The following ELAC2 variants were observed in gnomAD, a reference collection of about 807,000 sequenced individuals.
ELAC2 encodes elaC ribonuclease Z 2, also known as zinc phosphodiesterase ELAC protein 2.
Under a neutral mutation model 105.2 loss-of-function variants are expected in ELAC2, and 92 were observed. The observed-to-expected ratio is 0.87, with a 90% CI of 0.74 to 1.04. ELAC2 has a LOEUF of 1.04. Among genes scored for constraint, ELAC2 ranks in the 50% least tolerant of loss-of-function variants. The probability of loss-of-function intolerance (pLI) is 0.00; values close to 1 mark genes in which losing one functional copy is unlikely to be tolerated. For missense variants in ELAC2, 1,099 were observed against 1,071.7 expected (o/e 1.03, Z -0.36); for synonymous variants, 468 against 409.1 (o/e 1.14, Z -1.74).
chr17:13,017,644 G>A lies in ELAC2; in HGVS notation c.245+59C>T, dbSNP rs961142351. 5 of 1,611,178 alleles carry A rather than the reference G, an allele frequency of 3.1e-6. No homozygotes were observed. In the African/African-American group the frequency reaches 4.0e-5, roughly 13 times the overall value. On this transcript the variant is annotated intron_variant, in intron 1 of 23. Coordinates refer to ENST00000338034, the MANE Select transcript of ELAC2 (RefSeq NM_018127.7). ...CCGAAGCCCTGGGAGGTGCCCCGAT[G>A]CTCAGAGGCTGCGCCGCACTGAGGG...
chr17:13,015,786 A>G lies in ELAC2; in HGVS notation c.414T>C (p.Leu138=), dbSNP rs1041487081. 6.2e-7 allele frequency: 1 copy of G among 1,614,054 alleles called. No homozygotes were observed. The highest frequency in any genetic ancestry group is 1.1e-5 in the South Asian group (1 of 91,082). ...LKETGLPKCV[L]SGPPQLEKYL... is the part of the protein sequence containing the mutation. ...GACTCACCAGTTGTGGAGGTCCAGAAAGTACACACTTTGGAAGCCCGGTTT... is the reference window on the plus strand; with the variant it reads ...GACTCACCAGTTGTGGAGGTCCAGAGAGTACACACTTTGGAAGCCCGGTTT... Residue 138 remains leucine (L), a synonymous_variant, in exon 4 of 24, where the codon CTT becomes CTC. Coordinates refer to ENST00000338034, the MANE Select transcript of ELAC2 (RefSeq NM_018127.7).
chr17:12,999,528 C>T (rs1382413746), intron 15 of ELAC2, among the ~76,000 whole-genome samples: 2 of 152,258 alleles, frequency 1.3e-5, no homozygotes, highest in Non-Finnish European at 2.9e-5. Context: ...GACTAGATCT[C>T]TGCCAGCCAA....
rs1445077574 is a variant in ELAC2, at chr17:13,016,785, A to G, written c.367+77T>C. On this transcript the variant is annotated intron_variant, in intron 3 of 23. Coordinates refer to ENST00000338034, the MANE Select transcript of ELAC2 (RefSeq NM_018127.7). ...AAAAAAAAGTAGCTGCCCACCCCAG[A>G]CTTGGAAAAATGGTAAAGCCGGTTA... The G allele has an allele frequency of 7.0e-6, 10 of 1,426,070 alleles. No homozygotes were observed. In the East Asian group the frequency reaches 2.3e-4, roughly 33 times the overall value. 88.3% of individuals were successfully genotyped at this position (1,426,070 alleles called of 1,614,324 possible). A position where few individuals can be genotyped will look rare whatever the true frequency, so the allele number is the denominator to read the frequency against.
At position 13,002,594 on chromosome 17, in the gene ELAC2, A is replaced by G; in HGVS notation, c.1080-15T>C. The stretch of plus-strand genomic sequence containing the variant: ...CAGGCCCAAACCTGTGAAGAAACAG[A>G]CCCGGCATTTGCAGCGTCTGTTAGG... On this transcript the variant is annotated splice_polypyrimidine_tract_variant and intron_variant, in intron 12 of 23. Transcript: ENST00000338034. 6.3e-7 allele frequency: 1 copy of G among 1,590,734 alleles called. No individual in the cohort carries two copies. Among genetic ancestry groups the G allele is most frequent in the African/African-American group, 1.3e-5 (1 of 74,574 alleles).
At chr17:13,014,351 G>A in intron 5 of ELAC2, 88 bp downstream of exon 5, 1 of 927,624 alleles carries the variant, frequency 1.1e-6, no homozygotes, top group Non-Finnish European at 1.8e-6. Flanking sequence ...GAGGTTTGAT[G>A]TTGATGTTTT....
At chr17:13,011,605 G>A (rs376383707) in intron 7 of ELAC2, 58 bp downstream of exon 7, 1 of 1,612,890 alleles carries the variant, frequency 6.2e-7, no homozygotes, top group Non-Finnish European at 8.5e-7. Flanking sequence ...AGCATTACAA[G>A]GCAGAGAATT....
At chr17:13,009,942 T>C (rs1208838678) in intron 8 of ELAC2, among the ~76,000 whole-genome samples, 4 of 145,062 alleles carry the variant, frequency 2.8e-5, no homozygotes, top group Non-Finnish European at 4.5e-5. Context: ...TGAGCCGAGA[T>C]TGTGCCACTG....
At chr17:12,996,039 G>A (rs2040452122) in intron 17 of ELAC2, 61 bp from the exon 18 acceptor site, 1 of 1,539,860 alleles carries the variant, frequency 6.5e-7, no homozygotes, top group African/African-American at 1.4e-5. Flanking sequence ...TCCGGGTTAG[G>A]GTCTGCAGCC....
intron 19 of ELAC2, 132 bp from the exon 20 acceptor site, chr17:12,995,194 G>A: frequency 1.0e-6 from 1 of 997,412 alleles, no homozygotes; most frequent in Non-Finnish European, 1.6e-6. Context: ...TAGTCACTAT[G>A]ATGAGGAAAC....
intron 19 of ELAC2, among the ~76,000 whole-genome samples, 195 bp from the exon 20 acceptor site, chr17:12,995,257 C>G (rs1315852745): frequency 1.3e-5 from 2 of 152,146 alleles, no homozygotes; most frequent in African/African-American, 2.4e-5. Context: ...TGGGAGAAAC[C>G]CAGCAGGTGA....
At chr17:12,993,887 C>G in intron 22 of ELAC2, 56 bp from the exon 23 acceptor site, 2 of 1,612,324 alleles carry the variant, frequency 1.2e-6, no homozygotes, top group Non-Finnish European at 8.5e-7. Flanking sequence ...GACTGCAAAG[C>G]AGACAGTGGC....
At chr17:13,011,856 A>C (rs557685715) in intron 6 of ELAC2, 74 bp from the exon 7 acceptor site, 1 of 1,610,924 alleles carries the variant, frequency 6.2e-7, no homozygotes, top group East Asian at 2.2e-5. Context: ...ACGTTCATAC[A>C]TGGGAATGCC....
In ELAC2 at chr17:13,010,602, G is replaced by C; in HGVS notation, c.738+11C>G. ...CCAGTCATGTACAGCCCTCCGGAAA[G>C]TCTTCCTTACCTTACAGATGAAAGC... On this transcript the variant is annotated intron_variant, in intron 8 of 23. Transcript: ENST00000338034. The C allele has an allele frequency of 6.2e-7, 1 of 1,613,876 alleles. No homozygotes were observed. Among genetic ancestry groups the C allele is most frequent in the South Asian group, 1.1e-5 (1 of 91,086 alleles).
chr17:13,005,688 C>T (rs2041061362), intron 10 of ELAC2, 65 bp downstream of exon 10: 1 of 1,556,658 alleles, frequency 6.4e-7, no homozygotes, highest in South Asian at 1.1e-5. Flanking sequence ...CTGAAGAAGA[C>T]AGACTCTGCC....
At chr17:13,003,670 G>T in intron 11 of ELAC2, 96 bp from the exon 12 acceptor site, 1 of 1,056,934 alleles carries the variant, frequency 9.5e-7, no homozygotes, top group Non-Finnish European at 1.5e-6. Context: ...GCGGCCCTCT[G>T]CAGCACTGCA....
rs2041373893 is a variant in ELAC2, at chr17:13,010,818, T to C, written c.680-147A>G. On this transcript the variant is annotated intron_variant, in intron 7 of 23. Transcript: ENST00000338034. ...AATACAAAGGCTGAAGACACTAATA[T>C]ACTCAAGAAGACTTTTTTTCCCTAC... The C allele has an allele frequency of 4.0e-6, 3 of 748,590 alleles. No homozygotes were observed. In the East Asian group the frequency reaches 8.1e-5, roughly 20 times the overall value. 46.4% of individuals were successfully genotyped at this position (748,590 alleles called of 1,614,324 possible). A position where few individuals can be genotyped will look rare whatever the true frequency, so the allele number is the denominator to read the frequency against.
chr17:13,016,918 C>T lies in ELAC2; in HGVS notation c.311G>A (p.Arg104His), dbSNP rs201871417. 14 of 1,613,900 alleles carry T rather than the reference C, an allele frequency of 8.7e-6. No individual in the cohort carries two copies. Among genetic ancestry groups the T allele is most frequent in the Admixed American group, 1.7e-5 (1 of 59,998 alleles). The stretch of plus-strand genomic sequence containing the variant: ...TCGTGTCAGGAATATGTTGTCCAGG[C>T]GAGCAACCTTTAACCTAAGAATGAA... Reference protein sequence around the residue: ...LMQEHKLKVARLDNIFLTRMH... With the variant: ...LMQEHKLKVAHLDNIFLTRMH... The change falls in exon 3 of 24, where the codon CGC becomes CAC. Residue 104 changes from arginine to histidine, a missense_variant. Coordinates refer to ENST00000338034, the MANE Select transcript of ELAC2 (RefSeq NM_018127.7).
rs2040336671 is a variant in ELAC2 at position 12,993,973 on chromosome 17, C to T, written c.2109-142G>A. The stretch of plus-strand genomic sequence containing the variant: ...TCTTAACGGGCACCTCCGTAGCCAG[C>T]ACAATCTCCCCTGAGGGCCAGAGCC... On this transcript the variant is annotated intron_variant, in intron 22 of 23. Coordinates refer to ENST00000338034, the MANE Select transcript of ELAC2 (RefSeq NM_018127.7). 8 of 1,193,482 alleles carry T rather than the reference C, an allele frequency of 6.7e-6. No individual in the cohort carries two copies. The Admixed American group carries it at 1.2e-4, about 18-fold the overall frequency. 73.9% of individuals were successfully genotyped at this position (1,193,482 alleles called of 1,614,324 possible).
rs1458307512 is a variant in ELAC2 at position 12,995,686 on chromosome 17, C to A, written c.1808+17G>T. ...GCAAGCAACAGCCCAGCGGGCCAGG[C>A]TGCCCTGGATGCTCACCTGATGTGG... On this transcript the variant is annotated intron_variant, in intron 19 of 23. Coordinates refer to ENST00000338034, the MANE Select transcript of ELAC2 (RefSeq NM_018127.7). 1 of 1,600,402 alleles carries A rather than the reference C, an allele frequency of 6.2e-7. No individual in the cohort carries two copies. Among genetic ancestry groups the A allele is most frequent in the Non-Finnish European group, 8.5e-7 (1 of 1,173,490 alleles).
Sources: gnomAD v4.1 joint callset for allele counts (sites outside exome capture counted in the v4.1 genomes callset) on GRCh38, gnomAD v4.1.1 for gene constraint, MANE v1.5 for transcripts, NCBI Gene and HGNC (gene_info 2026-07-23, HGNC 2026-07-21) for gene names.